Variants in MON1B observed in about 807,000 individuals in gnomAD.
MON1B encodes the protein vacuolar fusion protein MON1 homolog B.
Under a neutral mutation model 45.1 loss-of-function variants are expected in MON1B, and 26 were observed. That is an observed-to-expected ratio of 0.58 (90% CI 0.42 to 0.80). The LOEUF is 0.80. MON1B is among the 30% of genes least tolerant of loss of function. MON1B has a pLI of 0.00. For synonymous variants in MON1B, 395 were observed against 320.2 expected, an observed-to-expected ratio of 1.23 and a Z score of -2.49; for missense variants, 737 against 754.5, an observed-to-expected ratio of 0.98 and a Z score of 0.27.
chr16:77,194,751 C>A lies in MON1B; in HGVS notation c.892C>A (p.Arg298=). The A allele has an allele frequency of 6.2e-7, 1 of 1,613,822 alleles. No individual in the cohort carries two copies. The change falls in exon 4 of 6, where the codon CGG becomes AGG. Residue 298 remains arginine (R), a synonymous_variant. Transcript: ENST00000248248. The surrounding 1 kb of genome is among the most constrained non-coding windows in gnomAD (Gnocchi z 8.1). ...GGAGCGAAATGTGCTGGCCGAGTGCCGGCTGGACCCAGCTGACCTGCAGTT... is the reference window on the plus strand; with the variant it reads ...GGAGCGAAATGTGCTGGCCGAGTGCAGGCTGGACCCAGCTGACCTGCAGTT... ...AQERNVLAEC[R]LDPADLQLLL... is the part of the protein sequence containing the mutation.
chr16:77,191,628 A>G lies in MON1B; in HGVS notation c.143A>G (p.Glu48Gly), dbSNP rs200210580. 4.3e-6 allele frequency: 7 copies of G among 1,610,918 alleles called. No individual in the cohort carries two copies. Among genetic ancestry groups the G allele is most frequent in the Non-Finnish European group, 5.9e-6 (7 of 1,179,074 alleles). The change falls in exon 2 of 6, where the codon GAA becomes GGA. Residue 48 changes from glutamate to glycine, a missense_variant. By Grantham distance (98) the Glu-to-Gly change is moderately conservative. Transcript: ENST00000248248. ...PPDPEDEGLE[E>G]TGSKDKDQPP... ...GATCCCGAAGACGAGGGCCTGGAGG[A>G]AACAGGTATGACTCCACTTAGTGGG...
chr16:77,191,347 G>C (rs1243528149), intron 1 of MON1B, 89 bp downstream of exon 1: 157 of 1,560,740 alleles, frequency 1.0e-4, no homozygotes, highest in Non-Finnish European at 8.7e-7. Context: ...GCATGATTTT[G>C]GATGTCTCGT....
In MON1B at chr16:77,198,240, A is replaced by C; in HGVS notation, c.1576A>C (p.Lys526Gln). Reference protein sequence around the residue: ...EDRLFIRYPPKYSTPPATSTD... With the variant: ...EDRLFIRYPPQYSTPPATSTD... ...CCGGCTCTTCATTCGTTACCCACCC[A>C]AGTACTCCACACCACCAGCCACCTC... Residue 526 changes from lysine (K) to glutamine (Q), a missense_variant, in exon 6 of 6, where the codon AAG becomes CAG. Transcript: ENST00000248248. 6.2e-7 allele frequency: 1 copy of C among 1,614,110 alleles called. No individual in the cohort carries two copies. The highest frequency in any genetic ancestry group is 8.5e-7 in the Non-Finnish European group (1 of 1,179,998).
Position 77,199,492 on chromosome 16 carries a change from A to T in MON1B, c.*1184A>T. The T allele has an allele frequency of 6.4e-7, 1 of 1,551,490 alleles. No homozygotes were observed. On this transcript the variant is annotated 3_prime_UTR_variant, in exon 6 of 6. Coordinates refer to ENST00000248248, the MANE Select transcript of MON1B (RefSeq NM_014940.4). ...AAACCTCTGAATGTGGAGGCGCCAG[A>T]AGCTACTGAGGAGGCTGAAGGTAGT...
In MON1B at chr16:77,199,124, C is replaced by G. The variant is rs1383440862; in HGVS notation, c.*816C>G. On this transcript the variant is annotated 3_prime_UTR_variant, in exon 6 of 6. Transcript: ENST00000248248. Reference sequence around the variant, plus strand: ...CCACATAGCACATGCACGTCTGTCCCAGACTTTGACAACCTGCACAAGACA... The same window carrying G: ...CCACATAGCACATGCACGTCTGTCCGAGACTTTGACAACCTGCACAAGACA... 1 of 327,924 alleles carries G rather than the reference C, an allele frequency of 3.0e-6. No individual in the cohort carries two copies. Among genetic ancestry groups the G allele is most frequent in the Non-Finnish European group, 5.6e-6 (1 of 179,498 alleles). 20.3% of individuals were successfully genotyped at this position (327,924 alleles called of 1,614,324 possible).
intron 2 of MON1B, among the ~76,000 whole-genome samples, chr16:77,192,505 G>C (rs991342720): frequency 6.6e-6 from 1 of 152,150 alleles, no homozygotes; most frequent in Non-Finnish European, 1.5e-5. Context: ...GAAGTTGTGG[G>C]TTTTAGTGAA....
Position 77,193,577 on chromosome 16 carries a change from G to C in MON1B, c.275G>C (p.Ser92Thr), listed in dbSNP as rs1478509584. ...AGTCCCACATGTAGCCCTGAGAGTA[G>C]CTCTGGAGGCCAGGGCGGGGACCCC... is the stretch of plus-strand genomic sequence containing the variant. Reference protein sequence around the residue: ...ENSPTCSPESSSGGQGGDPSD... With the variant: ...ENSPTCSPESTSGGQGGDPSD... Residue 92 changes from serine (S) to threonine (T), a missense_variant, in exon 3 of 6, where the codon AGC (serine) becomes ACC (threonine). Ser to Thr is a moderately conservative substitution (Grantham distance 58, BLOSUM62 1). Coordinates refer to ENST00000248248, the MANE Select transcript of MON1B (RefSeq NM_014940.4). The surrounding 1 kb of genome is among the most constrained non-coding windows in gnomAD (Gnocchi z 5.0). 5 of 1,613,934 alleles carry C rather than the reference G, an allele frequency of 3.1e-6. No homozygotes were observed. In the African/African-American group the frequency reaches 4.0e-5, roughly 13 times the overall value.
chr16:77,192,453 G>A (rs369535009), intron 2 of MON1B, among the ~76,000 whole-genome samples: 21 of 152,306 alleles, frequency 1.4e-4, no homozygotes, highest in Non-Finnish European at 2.9e-4. Context: ...GGGGATGAAT[G>A]GAAATCAATG....
In MON1B at chr16:77,195,170, A is replaced by G; in HGVS notation, c.1295+16A>G. ...AGTTTACCAGGTAGGCCCTGACCCTAAGGCAACTGGCTGGGTGGGAAGGCC... is the reference window on the plus strand; with the variant it reads ...AGTTTACCAGGTAGGCCCTGACCCTGAGGCAACTGGCTGGGTGGGAAGGCC... On this transcript the variant is annotated intron_variant, in intron 4 of 5. Transcript: ENST00000248248. The G allele has an allele frequency of 2.6e-6, 4 of 1,543,050 alleles. No individual in the cohort carries two copies. Among genetic ancestry groups the G allele is most frequent in the East Asian group, 4.7e-5 (2 of 42,832 alleles).
rs113980325 is a variant in MON1B, at chr16:77,193,096, T to C, written c.149-355T>C. Among the ~76,000 whole-genome samples, 6 of 152,002 alleles carry C rather than the reference T, an allele frequency of 3.9e-5. No individual in the cohort carries two copies. The highest frequency in any genetic ancestry group is 1.3e-4 in the Admixed American group (2 of 15,268). ...GGTCAGAGGAGTTAATGGGGGATCA[T>C]TGAAGATGAATAATCGTCATCCAGA... is the stretch of plus-strand genomic sequence containing the variant. On this transcript the variant is annotated intron_variant, in intron 2 of 5. Coordinates refer to ENST00000248248, the MANE Select transcript of MON1B (RefSeq NM_014940.4). This position sits in a 1 kb window ranked among gnomAD's most constrained non-coding sequence, Gnocchi z 5.0.
At chr16:77,191,748 T>A in intron 2 of MON1B, 115 bp downstream of exon 2, 1 of 1,235,218 alleles carries the variant, frequency 8.1e-7, no homozygotes, top group Non-Finnish European at 1.1e-6. Context: ...AGAAGTGGCT[T>A]AAACCATCGC....
At position 77,191,614 on chromosome 16, in the gene MON1B, C is replaced by T; in HGVS notation, c.129C>T (p.Asp43=). Residue 43 remains aspartate, a synonymous_variant, in exon 2 of 6, where the codon GAC becomes GAT. Transcript: ENST00000248248. ...ACGCGGTCCCGCCGGATCCCGAAGA[C>T]GAGGGCCTGGAGGAAACAGGTATGA... is the stretch of plus-strand genomic sequence containing the variant. The part of the protein sequence containing the change: ...GVHAVPPDPE[D]EGLEETGSKD... 1 of 1,610,890 alleles carries T rather than the reference C, an allele frequency of 6.2e-7. No homozygotes were observed. The highest frequency in any genetic ancestry group is 8.5e-7 in the Non-Finnish European group (1 of 1,179,126).
Position 77,200,256 on chromosome 16 carries a change from G to GTATATATA in MON1B, c.*1956_*1963dup, listed in dbSNP as rs1211138188. ...TGTATATATATATATATGTATATGTGTATATATATATATATGTGTATATAT... is the reference window on the plus strand; with the variant it reads ...TGTATATATATATATATGTATATGTGTATATATATATATATATATATATGTGTATATAT... On this transcript the variant is annotated 3_prime_UTR_variant, in exon 6 of 6. Transcript: ENST00000248248. The GTATATATA allele has an allele frequency of 6.0e-5, 5 of 83,626 alleles. No individual in the cohort carries two copies. Among genetic ancestry groups the GTATATATA allele is most frequent in the African/African-American group, 1.9e-4 (5 of 26,948 alleles). 5.2% of individuals were successfully genotyped at this position (83,626 alleles called of 1,614,324 possible). A position where few individuals can be genotyped will look rare whatever the true frequency, so the allele number is the denominator to read the frequency against.
Position 77,199,263 on chromosome 16 carries a change from A to G in MON1B, c.*955A>G. On this transcript the variant is annotated 3_prime_UTR_variant, in exon 6 of 6. Coordinates refer to ENST00000248248, the MANE Select transcript of MON1B (RefSeq NM_014940.4). ...CCTTGTTTGTGGAGTTACAGCCTCA[A>G]GGTTGTAGCATGTGTGCTGGCAATC... is the stretch of plus-strand genomic sequence containing the variant. 1.7e-6 allele frequency: 1 copy of G among 592,246 alleles called. No individual in the cohort carries two copies. Among genetic ancestry groups the G allele is most frequent in the Non-Finnish European group, 3.0e-6 (1 of 328,122 alleles). 36.7% of individuals were successfully genotyped at this position (592,246 alleles called of 1,614,324 possible).
chr16:77,192,238 A>C (rs1424588905), intron 2 of MON1B, among the ~76,000 whole-genome samples: 2 of 152,220 alleles, frequency 1.3e-5, no homozygotes, highest in African/African-American at 2.4e-5. Context: ...GGGAAGGATC[A>C]GTGGACCTCA....
intron 4 of MON1B, 80 bp downstream of exon 4, chr16:77,195,234 C>A: frequency 1.5e-6 from 2 of 1,324,206 alleles, no homozygotes; most frequent in Non-Finnish European, 1.0e-6. Flanking sequence ...GGATGTGACT[C>A]AGGAGAGATA....
In MON1B at chr16:77,199,239, CTTG is replaced by C; in HGVS notation, c.*934_*936del. 1 of 568,366 alleles carries C rather than the reference CTTG, an allele frequency of 1.8e-6. No homozygotes were observed. Among genetic ancestry groups the C allele is most frequent in the Non-Finnish European group, 3.2e-6 (1 of 315,712 alleles). The allele number at this position is 568,366 out of a possible 1,614,324, so 35.2% of individuals were successfully genotyped here. On this transcript the variant is annotated 3_prime_UTR_variant, in exon 6 of 6. Transcript: ENST00000248248. The stretch of plus-strand genomic sequence containing the variant: ...AACTGGCCATTACCCTAGTTCTGCC[CTTG>C]TTTGTGGAGTTACAGCCTCAAGGTT...
chr16:77,194,354 C>A lies in MON1B; in HGVS notation c.495C>A (p.Phe165Leu). 6.2e-7 allele frequency: 1 copy of A among 1,607,338 alleles called. No individual in the cohort carries two copies. Among genetic ancestry groups the A allele is most frequent in the South Asian group, 1.1e-5 (1 of 91,070 alleles). The change falls in exon 4 of 6, where the codon TTC (phenylalanine) becomes TTA (leucine). Residue 165 changes from phenylalanine (F) to leucine (L), a missense_variant. Physicochemically the swap from Phe to Leu is conservative, Grantham distance 22 (BLOSUM62 0). Coordinates refer to ENST00000248248, the MANE Select transcript of MON1B (RefSeq NM_014940.4). The surrounding 1 kb of genome is among the most constrained non-coding windows in gnomAD (Gnocchi z 8.1). ...AIYAEDHKLV[F>L]LQQGPLLLVA... ...CCCTAGAGGACCACAAGCTGGTGTT[C>A]CTACAACAGGGCCCACTGTTGCTCG...
In MON1B at chr16:77,194,236, G is replaced by A; in HGVS notation, c.476-99G>A. On this transcript the variant is annotated intron_variant, in intron 3 of 5. Coordinates refer to ENST00000248248, the MANE Select transcript of MON1B (RefSeq NM_014940.4). This position sits in a 1 kb window ranked among gnomAD's most constrained non-coding sequence, Gnocchi z 8.1. ...AGAGTGAGCATGTGGACTCGGGCCT[G>A]GTGTGTGTATGGTAGGAGAGGGCAG... 9.2e-7 allele frequency: 1 copy of A among 1,090,030 alleles called. No individual in the cohort carries two copies. Among genetic ancestry groups the A allele is most frequent in the Non-Finnish European group, 1.4e-6 (1 of 716,950 alleles). 67.5% of individuals were successfully genotyped at this position (1,090,030 alleles called of 1,614,324 possible). A position where few individuals can be genotyped will look rare whatever the true frequency, so the allele number is the denominator to read the frequency against.
Sources: allele counts gnomAD v4.1 joint callset (sites outside exome capture counted in the v4.1 genomes callset), GRCh38; gene constraint gnomAD v4.1.1; non-coding constraint Gnocchi (gnomAD v3.1); transcripts MANE v1.5; gene names NCBI Gene and HGNC (gene_info 2026-07-23, HGNC 2026-07-21).